Variants in CCDC3 observed in about 807,000 individuals in gnomAD.
CCDC3 encodes the protein coiled-coil domain-containing protein 3.
Under a neutral mutation model 21.4 loss-of-function variants are expected in CCDC3, and 24 were observed. The observed-to-expected ratio is 1.12, with a 90% CI of 0.81 to 1.58. The LOEUF (loss-of-function observed/expected upper bound fraction) is 1.58, where lower values mean the gene tolerates loss of function less well. Ranked by LOEUF, CCDC3 falls within the 40% of genes most tolerant of loss-of-function variation. The pLI is 0.00. For missense variants in CCDC3, 425 were observed against 360.9 expected, an observed-to-expected ratio of 1.18 and a Z score of -1.44; for synonymous variants, 186 against 166.0, an observed-to-expected ratio of 1.12 and a Z score of -0.93.
chr10:13,072,109 T>C (rs1340090765), intron 4 of CCDC3, among the ~76,000 whole-genome samples: 1 of 152,170 alleles, frequency 6.6e-6, no homozygotes, highest in African/African-American at 2.4e-5. Context: ...GTAAAAGGCC[T>C]TGGGATTTTT....
At chr10:13,020,328 T>A (rs1564322616) in intron 5 of CCDC3, among the ~76,000 whole-genome samples, 1 of 152,230 alleles carries the variant, frequency 6.6e-6, no homozygotes, top group Non-Finnish European at 1.5e-5. Flanking sequence ...CACCTAAGGT[T>A]AATGACACCT....
intron 5 of CCDC3, among the ~76,000 whole-genome samples, chr10:13,011,750 C>G (rs910858384): frequency 1.3e-5 from 2 of 152,142 alleles, no homozygotes; most frequent in African/African-American, 2.4e-5. Context: ...CAAGGCAATC[C>G]TAAGCAAGAA....
intron 4 of CCDC3, among the ~76,000 whole-genome samples, chr10:13,050,914 G>A (rs1836598084): frequency 6.6e-6 from 1 of 152,018 alleles, no homozygotes; most frequent in South Asian, 2.1e-4. Context: ...AGCCTCCTGA[G>A]TAGCTGAGAC....
intron 2 of CCDC3, among the ~76,000 whole-genome samples, chr10:12,981,177 ATTT>A (rs59193619): frequency 5.7e-5 from 6 of 105,564 alleles, no homozygotes; most frequent in East Asian, 2.8e-4. Flanking sequence ...CTGGCCCAGG[ATTT>A]TTTTTTTTTT....
In CCDC3 at chr10:13,018,956, G is replaced by A. The variant is rs948879534; in HGVS notation, c.-1-20444C>T. On this transcript the variant is annotated intron_variant, in intron 5 of 6. Coordinates refer to the CCDC3 transcript ENST00000378839. The stretch of plus-strand genomic sequence containing the variant: ...CTGTCTCAAAAAAGGAAAAAAGGCC[G>A]GGCGCAGTGGCTCACGCCTGTAATC... Among the ~76,000 whole-genome samples, 4 of 151,758 alleles carry A rather than the reference G, an allele frequency of 2.6e-5. No individual in the cohort carries two copies. In the South Asian group the frequency reaches 6.3e-4, roughly 24 times the overall value.
intron 5 of CCDC3, among the ~76,000 whole-genome samples, chr10:13,018,244 A>C (rs935404690): frequency 3.9e-5 from 6 of 152,054 alleles, no homozygotes; most frequent in Non-Finnish European, 7.4e-5. Flanking sequence ...CGTGGTGGAA[A>C]TATGGACAGT....
At position 12,983,148 on chromosome 10, in the gene CCDC3, A is replaced by G. The variant is rs1222881450; in HGVS notation, c.549+15190T>C. 3.1e-4 allele frequency among the ~76,000 whole-genome samples: 8 copies of G among 25,518 alleles called. No individual in the cohort carries two copies. The Admixed American group carries it at 4.2e-3, about 13-fold the overall frequency. 16.7% of individuals were successfully genotyped at this position (25,518 alleles called of 152,430 possible). A position where few individuals can be genotyped will look rare whatever the true frequency, so the allele number is the denominator to read the frequency against. Reference sequence around the variant, plus strand: ...AAATAGTGTATATATATATATATATATATATATATATATATATATATATAT... The same window carrying G: ...AAATAGTGTATATATATATATATATGTATATATATATATATATATATATAT... On this transcript the variant is annotated intron_variant, in intron 2 of 2. Coordinates refer to ENST00000378825, the MANE Select transcript of CCDC3 (RefSeq NM_031455.4).
chr10:13,097,397 A>C, intron 3 of CCDC3, among the ~76,000 whole-genome samples: 1 of 152,104 alleles, frequency 6.6e-6, no homozygotes, highest in Non-Finnish European at 1.5e-5. Context: ...CAGCATCCTT[A>C]GGTGAGGGCT....
intron 4 of CCDC3, among the ~76,000 whole-genome samples, chr10:13,060,539 C>G: frequency 6.6e-6 from 1 of 152,196 alleles, no homozygotes; most frequent in Non-Finnish European, 1.5e-5. Flanking sequence ...GGGTCTCACT[C>G]TGTTGCCCAA....
At chr10:13,045,269 T>G (rs1466843699) in intron 5 of CCDC3, among the ~76,000 whole-genome samples, 6 of 152,228 alleles carry the variant, frequency 3.9e-5, no homozygotes, top group Admixed American at 3.9e-4. Context: ...GCTCCAGGTA[T>G]CAAAGAAATC....
chr10:12,964,539 G>A (rs765028914), intron 2 of CCDC3, among the ~76,000 whole-genome samples: 3 of 152,166 alleles, frequency 2.0e-5, no homozygotes, highest in Non-Finnish European at 2.9e-5. Context: ...ACAGTACCAC[G>A]AAGAGAGAAT....
intron 2 of CCDC3, among the ~76,000 whole-genome samples, chr10:12,996,358 T>C (rs628935): frequency 1 from 151,821 of 152,300 alleles, 75,674 homozygotes; most frequent in East Asian, 1. Flanking sequence ...TTCTTTGAGA[T>C]GGAGTCTTAC....
At chr10:12,980,837 A>G (rs989416387) in intron 2 of CCDC3, among the ~76,000 whole-genome samples, 2 of 152,042 alleles carry the variant, frequency 1.3e-5, no homozygotes, top group Non-Finnish European at 2.9e-5. Flanking sequence ...AAACAGCTAC[A>G]GGGGACTTTG....
At chr10:13,060,863 T>C (rs1336704450) in intron 4 of CCDC3, among the ~76,000 whole-genome samples, 1 of 152,110 alleles carries the variant, frequency 6.6e-6, no homozygotes. Flanking sequence ...ACAATAAAAA[T>C]ATCATTTGTG....
chr10:13,035,166 ATC>A (rs1481984571), intron 5 of CCDC3, among the ~76,000 whole-genome samples: 2 of 152,124 alleles, frequency 1.3e-5, no homozygotes, highest in African/African-American at 4.8e-5. Flanking sequence ...CTGGGTGGCA[ATC>A]TCACAGCCAG....
intron 4 of CCDC3, among the ~76,000 whole-genome samples, chr10:13,073,443 A>C (rs55642878): frequency 0.21 from 31,570 of 152,034 alleles, 3,863 homozygotes; most frequent in East Asian, 0.29. Context: ...CTAAATGGAG[A>C]AAACAAATCC....
chr10:13,019,024 G>A (rs1346272478), intron 5 of CCDC3, among the ~76,000 whole-genome samples: 2 of 152,094 alleles, frequency 1.3e-5, no homozygotes, highest in Non-Finnish European at 1.5e-5. Flanking sequence ...ACAAGGTCAG[G>A]AGATCGAGAC....
chr10:13,008,129 C>A (rs1835946072), intron 5 of CCDC3, among the ~76,000 whole-genome samples: 4 of 152,124 alleles, frequency 2.6e-5, no homozygotes, highest in Admixed American at 2.0e-4. Flanking sequence ...ATGGGGTTGA[C>A]CATGTGGGAG....
At chr10:12,947,946 T>C (rs1564294741) in intron 2 of CCDC3, among the ~76,000 whole-genome samples, 2 of 152,186 alleles carry the variant, frequency 1.3e-5, no homozygotes, top group Non-Finnish European at 2.9e-5. Context: ...ATGTCTCACC[T>C]ATTAAGTGAA....
Sources: gnomAD v4.1 joint callset for allele counts (sites outside exome capture counted in the v4.1 genomes callset) on GRCh38, gnomAD v4.1.1 for gene constraint, MANE v1.5 for transcripts, NCBI Gene and HGNC (gene_info 2026-07-23, HGNC 2026-07-21) for gene names.